Variants in EHMT1 observed in about 807,000 individuals in gnomAD.
EHMT1 encodes histone-lysine N-methyltransferase EHMT1.
In EHMT1, 15 loss-of-function variants were observed where a neutral mutation model predicts 147.2. The observed-to-expected ratio is 0.10, with a 90% CI of 0.07 to 0.16. The LOEUF (loss-of-function observed/expected upper bound fraction) is 0.16, where lower values mean the gene tolerates loss of function less well. Among genes scored for constraint, EHMT1 ranks in the 10% least tolerant of loss-of-function variants. The probability of loss-of-function intolerance (pLI) is 1.00; values close to 1 mark genes in which losing one functional copy is unlikely to be tolerated. For synonymous variants in EHMT1, 795 were observed against 709.6 expected, an observed-to-expected ratio of 1.12 and a Z score of -1.91; for missense variants, 1,587 against 1,772.4, an observed-to-expected ratio of 0.90 and a Z score of 1.88.
chr9:137,737,113 G>A (rs1418927829), intron 4 of EHMT1, among the ~76,000 whole-genome samples: 1 of 152,140 alleles, frequency 6.6e-6, no homozygotes, highest in Non-Finnish European at 1.5e-5. Context: ...CCCAGAGGCT[G>A]AGGTGGGAGG....
intron 2 of EHMT1, 57 bp downstream of exon 2, chr9:137,711,087 C>T (rs1274476683): frequency 3.9e-6 from 6 of 1,519,246 alleles, no homozygotes; most frequent in African/African-American, 1.4e-5. Flanking sequence ...ACTAGAAAAC[C>T]TGCTGCTCTT....
chr9:137,814,185 C>T (rs1370526499), intron 21 of EHMT1: 7 of 600,358 alleles, frequency 1.2e-5, no homozygotes, highest in African/African-American at 5.6e-5. Context: ...CACCCACTGC[C>T]GCGTCGCTGC....
Position 137,728,482 on chromosome 9 carries a change from C to G in EHMT1, c.776C>G (p.Ser259Trp). ...LLPPFPSLHQ[S>W]LPQNQCYMAT... ...CCCCCCTTCCCATCCCTTCATCAGT[C>G]GCTACCTCAGAACCAGTGCTACATG... The change falls in exon 4 of 27, where the codon TCG (serine) becomes TGG (tryptophan). Residue 259 changes from serine to tryptophan, a missense_variant. By Grantham distance (177) the Ser-to-Trp change is radical. This residue lies in a region of EHMT1 where 810 missense variants were observed against 673.0 expected (regional missense o/e 1.20). Transcript: ENST00000460843. The G allele has an allele frequency of 6.2e-7, 1 of 1,614,140 alleles. No individual in the cohort carries two copies. Among genetic ancestry groups the G allele is most frequent in the Non-Finnish European group, 8.5e-7 (1 of 1,180,026 alleles).
chr9:137,629,255 G>A (rs1843462005), intron 1 of EHMT1, among the ~76,000 whole-genome samples: 1 of 151,544 alleles, frequency 6.6e-6, no homozygotes, highest in African/African-American at 2.4e-5. Context: ...ACCATGCCTG[G>A]CTAATTTTGT....
chr9:137,823,773 G>T (rs1008477601), intron 25 of EHMT1, among the ~76,000 whole-genome samples: 2 of 151,484 alleles, frequency 1.3e-5, no homozygotes, highest in Non-Finnish European at 2.9e-5. Flanking sequence ...GGCCAGGCTG[G>T]TCTCGAACTC....
At chr9:137,807,057 A>C (rs1954009277) in intron 18 of EHMT1, among the ~76,000 whole-genome samples, 1 of 152,172 alleles carries the variant, frequency 6.6e-6, no homozygotes, top group Non-Finnish European at 1.5e-5. Context: ...GTGTGTGTGC[A>C]CGTAGGGTTC....
intron 16 of EHMT1, among the ~76,000 whole-genome samples, chr9:137,794,668 G>T (rs970545670): frequency 4.8e-5 from 7 of 145,466 alleles, no homozygotes; most frequent in African/African-American, 1.8e-4. Context: ...AAAAAAAAAA[G>T]CTAGAGAAAA....
chr9:137,770,607 C>T (rs1045693381), intron 10 of EHMT1, among the ~76,000 whole-genome samples: 1 of 152,238 alleles, frequency 6.6e-6, no homozygotes, highest in Non-Finnish European at 1.5e-5. Context: ...AGATACCTCC[C>T]CTATAGCTGT....
In EHMT1 at chr9:137,728,233, T is replaced by C. The variant is rs535600479; in HGVS notation, c.643-116T>C. 1,490 of 1,424,712 alleles carry C rather than the reference T, an allele frequency of 1.0e-3. 6 individuals carry two copies. Among genetic ancestry groups the C allele is most frequent in the Non-Finnish European group, 1.0e-3 (1,066 of 1,017,344 alleles). 88.3% of individuals were successfully genotyped at this position (1,424,712 alleles called of 1,614,324 possible). A position where few individuals can be genotyped will look rare whatever the true frequency, so the allele number is the denominator to read the frequency against. ...CAGACTTTCTCCTCTCTCCATTGTATCTCATCTTTCGGTTGTGGGGAATTA... is the reference window on the plus strand; with the variant it reads ...CAGACTTTCTCCTCTCTCCATTGTACCTCATCTTTCGGTTGTGGGGAATTA... On this transcript the variant is annotated intron_variant, in intron 3 of 26. Transcript: ENST00000460843.
intron 6 of EHMT1, among the ~76,000 whole-genome samples, chr9:137,748,960 A>G (rs1292724391): frequency 6.6e-6 from 1 of 152,170 alleles, no homozygotes; most frequent in Admixed American, 6.5e-5. Context: ...GTTGCTTGAC[A>G]GCTGGTGCGG....
At chr9:137,734,227 G>A (rs1947346096) in intron 4 of EHMT1, among the ~76,000 whole-genome samples, 1 of 151,764 alleles carries the variant, frequency 6.6e-6, no homozygotes, top group South Asian at 2.1e-4. Context: ...AGATCCTAAA[G>A]GAAGGTATGG....
intron 1 of EHMT1, among the ~76,000 whole-genome samples, chr9:137,631,867 G>C (rs922029831): frequency 2.0e-5 from 3 of 152,116 alleles, no homozygotes; most frequent in Non-Finnish European, 4.4e-5. Context: ...AGCAGAGTGA[G>C]ACCCTGTCTC....
chr9:137,759,919 G>A (rs1024456132), intron 9 of EHMT1, among the ~76,000 whole-genome samples: 6 of 152,134 alleles, frequency 3.9e-5, no homozygotes, highest in African/African-American at 9.7e-5. Context: ...AGGTGATGCC[G>A]CTGGTTGTGG....
chr9:137,834,169 CGAG>C, intron 25 of EHMT1, 177 bp from the exon 26 acceptor site: 6 of 780,960 alleles, frequency 7.7e-6, no homozygotes, highest in East Asian at 2.7e-5. Flanking sequence ...GGCCACACAG[CGAG>C]GAGAAGGCTG....
chr9:137,728,856 G>T (rs9314639), intron 4 of EHMT1, among the ~76,000 whole-genome samples: 20,894 of 152,180 alleles, frequency 0.14, 3,335 homozygotes, highest in African/African-American at 0.39. Flanking sequence ...TAGGTGGAGT[G>T]CCTTTGGAAA....
At chr9:137,808,404 C>T (rs770382814) in intron 18 of EHMT1, among the ~76,000 whole-genome samples, 21 of 152,142 alleles carry the variant, frequency 1.4e-4, no homozygotes, top group African/African-American at 1.4e-4. Context: ...CTCAGGGGCA[C>T]GGTCCTTCCC....
chr9:137,802,798 G>A (rs1157927014), intron 18 of EHMT1: 2 of 1,231,440 alleles, frequency 1.6e-6, no homozygotes, highest in Admixed American at 8.4e-5. Context: ...GGGCTTCCAT[G>A]ACTGTATCCA....
chr9:137,800,536 C>CGTGT (rs55802227), intron 17 of EHMT1: 3 of 342,394 alleles, frequency 8.8e-6, no homozygotes, highest in Non-Finnish European at 1.7e-5. Context: ...TTTCAGCTCC[C>CGTGT]GTGTGTGTGC....
intron 25 of EHMT1, among the ~76,000 whole-genome samples, chr9:137,831,985 G>A (rs1049754377): frequency 1.3e-5 from 2 of 150,726 alleles, no homozygotes; most frequent in Non-Finnish European, 3.0e-5. Flanking sequence ...GATTGGCTGG[G>A]CTCCCTCCAC....
Sources: allele counts gnomAD v4.1 joint callset (sites outside exome capture counted in the v4.1 genomes callset), GRCh38; gene constraint gnomAD v4.1.1; regional missense constraint gnomAD v4.1.1; transcripts MANE v1.5; gene names NCBI Gene and HGNC (gene_info 2026-07-23, HGNC 2026-07-21).